Variants in ARHGAP23 observed in about 807,000 individuals in gnomAD.
ARHGAP23 encodes rho GTPase-activating protein 23.
ARHGAP23 carries 34 observed loss-of-function variants against 136.3 expected under a neutral mutation model. The ratio of observed to expected loss-of-function variants is 0.25; its 90% CI spans 0.19 to 0.33. The LOEUF (loss-of-function observed/expected upper bound fraction) is 0.33, where lower values mean the gene tolerates loss of function less well. Ranked by LOEUF, ARHGAP23 falls within the 10% of genes least tolerant of loss-of-function variation. ARHGAP23 has a pLI of 1.00. For missense variants in ARHGAP23, 1,808 were observed against 2,139.0 expected (o/e 0.85, Z 3.05); for synonymous variants, 832 against 920.5 (o/e 0.90, Z 1.74).
intron 1 of ARHGAP23, chr17:38,453,804 G>A (rs1333487619): frequency 6.9e-6 from 1 of 144,534 alleles, no homozygotes; most frequent in Non-Finnish European, 1.5e-5. Context: ...GCTCCGGGGG[G>A]CGGGCGGGGA....
chr17:38,432,313 G>A (rs2038702982), intron 1 of ARHGAP23, among the ~76,000 whole-genome samples: 2 of 152,166 alleles, frequency 1.3e-5, no homozygotes, highest in Non-Finnish European at 2.9e-5. Flanking sequence ...AAGGTAGGAG[G>A]ATCACTTGGA....
chr17:38,430,339 G>T lies in ARHGAP23; in HGVS notation c.63+1791G>T, dbSNP rs114729406. ...AGGAAGGTGTCTGACTACGGGAATAGGTCAGGCTTGTGTGGATCCCAGCCC... is the reference window on the plus strand; with the variant it reads ...AGGAAGGTGTCTGACTACGGGAATATGTCAGGCTTGTGTGGATCCCAGCCC... On this transcript the variant is annotated intron_variant, in intron 1 of 23. Coordinates refer to ENST00000622683, the MANE Select transcript of ARHGAP23 (RefSeq NM_001199417.2). Among the ~76,000 whole-genome samples, 1,336 of 152,174 alleles carry T rather than the reference G, an allele frequency of 8.8e-3. 20 individuals carry two copies. Among genetic ancestry groups the T allele is most frequent in the African/African-American group, 0.03 (1,264 of 41,490 alleles).
intron 1 of ARHGAP23, among the ~76,000 whole-genome samples, chr17:38,454,942 G>A (rs1274204393): frequency 6.6e-6 from 1 of 152,224 alleles, no homozygotes; most frequent in Non-Finnish European, 1.5e-5. Context: ...GGGTGGGAGT[G>A]TTTGGAAATA....
In ARHGAP23 at chr17:38,490,653, C is replaced by T. The variant is rs1475633192; in HGVS notation, c.3150+102C>T. The stretch of plus-strand genomic sequence containing the variant: ...GCTCCAGCAGGTCCAGTAACTCAGG[C>T]CCCTCTAGGCACGCCCTCCTCCTAT... On this transcript the variant is annotated intron_variant, in intron 19 of 23. Transcript: ENST00000622683. The T allele has an allele frequency of 6.5e-6, 6 of 924,814 alleles. No homozygotes were observed. The East Asian group carries it at 1.1e-4, about 16-fold the overall frequency. The allele number at this position is 924,814 out of a possible 1,614,324, so 57.3% of individuals were successfully genotyped here.
intron 1 of ARHGAP23, among the ~76,000 whole-genome samples, chr17:38,446,316 C>T (rs555612067): frequency 6.3e-4 from 95 of 151,860 alleles, no homozygotes; most frequent in African/African-American, 1.7e-3. Context: ...TAAGCCACCC[C>T]GCCTGGCCTT....
At chr17:38,508,778 T>C (rs1877968578) in intron 23 of ARHGAP23, among the ~76,000 whole-genome samples, 1 of 151,818 alleles carries the variant, frequency 6.6e-6, no homozygotes, top group South Asian at 2.1e-4. Flanking sequence ...GCAGTGTGAA[T>C]GGAGGCAGTT....
chr17:38,421,705 C>G (rs976725558), intron 1 of ARHGAP23, among the ~76,000 whole-genome samples: 3 of 152,234 alleles, frequency 2.0e-5, no homozygotes, highest in African/African-American at 7.2e-5. Flanking sequence ...GGGCTTGCCC[C>G]ACTGTGGTCA....
chr17:38,428,560 G>T lies in ARHGAP23; in HGVS notation c.63+12G>T. On this transcript the variant is annotated intron_variant, in intron 1 of 23. Coordinates refer to ENST00000622683, the MANE Select transcript of ARHGAP23 (RefSeq NM_001199417.2). Reference sequence around the variant, plus strand: ...CCCGGCCCCCACAGGTGAGGGTGCTGGGCCAGGGAAGTGGGCGGGGCCGGT... The same window carrying T: ...CCCGGCCCCCACAGGTGAGGGTGCTTGGCCAGGGAAGTGGGCGGGGCCGGT... 7.0e-7 allele frequency: 1 copy of T among 1,418,540 alleles called. No individual in the cohort carries two copies. Among genetic ancestry groups the T allele is most frequent in the Admixed American group, 2.8e-5 (1 of 35,630 alleles). The allele number at this position is 1,418,540 out of a possible 1,614,324, so 87.9% of individuals were successfully genotyped here.
chr17:38,428,500 CT>C lies in ARHGAP23; in HGVS notation c.17del (p.Phe6SerfsTer69). MNGVAFCLVGIPPRPE... is the reference protein window; with the variant it reads MNGVAXCLVGIPPRPE... ...GCTGCCACCCGATGAATGGAGTCGC[CT>C]TCTGCCTGGTCGGGATCCCGCCCCG... On this transcript the variant is annotated frameshift_variant, in exon 1 of 24. Coordinates refer to ENST00000622683, the MANE Select transcript of ARHGAP23 (RefSeq NM_001199417.2). LOFTEE classifies it high-confidence loss of function. 1 of 1,455,036 alleles carries C rather than the reference CT, an allele frequency of 6.9e-7. No homozygotes were observed. Among genetic ancestry groups the C allele is most frequent in the Non-Finnish European group, 9.0e-7 (1 of 1,107,176 alleles). The allele number at this position is 1,455,036 out of a possible 1,614,324, so 90.1% of individuals were successfully genotyped here.
In ARHGAP23 at chr17:38,466,715, G is replaced by A; in HGVS notation, c.1032G>A (p.Glu344=). Residue 344 remains glutamate, a synonymous_variant, in exon 7 of 24, where the codon GAG becomes GAA. Coordinates refer to ENST00000622683, the MANE Select transcript of ARHGAP23 (RefSeq NM_001199417.2). Reference sequence around the variant, plus strand: ...ATGCTTTGAGCCAGCTGGGCCAGGAGGGCTGGCACCGAGCTCGCTCAGATG... The same window carrying A: ...ATGCTTTGAGCCAGCTGGGCCAGGAAGGCTGGCACCGAGCTCGCTCAGATG... ...SQDALSQLGQ[E]GWHRARSDDY... is the part of the protein sequence containing the mutation. The A allele has an allele frequency of 1.3e-6, 2 of 1,537,348 alleles. No individual in the cohort carries two copies. Among genetic ancestry groups the A allele is most frequent in the Non-Finnish European group, 1.8e-6 (2 of 1,140,948 alleles).
chr17:38,492,552 T>C (rs1299951342), intron 20 of ARHGAP23, among the ~76,000 whole-genome samples: 4 of 152,178 alleles, frequency 2.6e-5, no homozygotes, highest in African/African-American at 7.2e-5. Flanking sequence ...GCCTGTGCTT[T>C]CCTCCTGCTA....
chr17:38,490,209 G>A (rs1490355156), intron 18 of ARHGAP23, 34 bp downstream of exon 18: 1 of 1,542,918 alleles, frequency 6.5e-7, no homozygotes, highest in Non-Finnish European at 8.8e-7. Flanking sequence ...GACACGAGGT[G>A]GGGCAGCTGC....
At chr17:38,492,205 G>C (rs2040294479) in intron 20 of ARHGAP23, among the ~76,000 whole-genome samples, 1 of 152,194 alleles carries the variant, frequency 6.6e-6, no homozygotes, top group Non-Finnish European at 1.5e-5. Flanking sequence ...AGAAGGCCTT[G>C]GTTTTCGAGA....
chr17:38,441,337 C>T (rs2038916126), intron 1 of ARHGAP23, among the ~76,000 whole-genome samples: 1 of 152,238 alleles, frequency 6.6e-6, no homozygotes, highest in South Asian at 2.1e-4. Context: ...GCGTACTTCA[C>T]ATACTTGGCG....
chr17:38,435,888 A>G (rs1170818621), intron 1 of ARHGAP23, among the ~76,000 whole-genome samples: 1 of 152,200 alleles, frequency 6.6e-6, no homozygotes, highest in Non-Finnish European at 1.5e-5. Context: ...GGCGTGAGCC[A>G]CCGTGCCTGG....
chr17:38,460,989 C>A, intron 3 of ARHGAP23, 57 bp downstream of exon 3: 1 of 1,528,724 alleles, frequency 6.5e-7, no homozygotes, highest in Non-Finnish European at 8.8e-7. Context: ...CAGCTCCTGT[C>A]TCTCCCTGTC....
intron 21 of ARHGAP23, among the ~76,000 whole-genome samples, chr17:38,498,041 G>A (rs1165437112): frequency 2.6e-5 from 4 of 151,640 alleles, no homozygotes; most frequent in Non-Finnish European, 2.9e-5. Flanking sequence ...CAGTCGAAAT[G>A]GGGGAGATAT....
At chr17:38,479,590 C>T in intron 13 of ARHGAP23, 93 bp downstream of exon 13, 7 of 1,461,086 alleles carry the variant, frequency 4.8e-6, no homozygotes, top group Non-Finnish European at 6.5e-6. Context: ...CCAGGGCTGC[C>T]CTCTGCTGGG....
At chr17:38,508,510 G>A (rs970007021) in intron 23 of ARHGAP23, among the ~76,000 whole-genome samples, 21 of 152,168 alleles carry the variant, frequency 1.4e-4, no homozygotes, top group African/African-American at 5.1e-4. Flanking sequence ...TGGGTGCTGG[G>A]GCATGCAAGC....
Sources: allele counts gnomAD v4.1 joint callset (sites outside exome capture counted in the v4.1 genomes callset), GRCh38; gene constraint gnomAD v4.1.1; transcripts MANE v1.5; gene names NCBI Gene and HGNC (gene_info 2026-07-23, HGNC 2026-07-21).